ATP9B: variants seen among roughly 807,000 people sequenced by gnomAD.
ATP9B encodes the protein probable phospholipid-transporting ATPase IIB.
Under a neutral mutation model 146.1 loss-of-function variants are expected in ATP9B, and 110 were observed. That is an observed-to-expected ratio of 0.75 (90% CI 0.65 to 0.88). The LOEUF (loss-of-function observed/expected upper bound fraction) is 0.88. Among genes scored for constraint, ATP9B ranks in the 40% least tolerant of loss-of-function variants. ATP9B has a pLI of 0.00. For missense variants in ATP9B, 1,499 were observed against 1,496.4 expected (o/e 1.00, Z -0.03); for synonymous variants, 604 against 569.7 (o/e 1.06, Z -0.86).
chr18:79,096,588 A>G lies in ATP9B; in HGVS notation c.232A>G (p.Met78Val), dbSNP rs202122967. The G allele has an allele frequency of 1.7e-5, 28 of 1,614,096 alleles. No homozygotes were observed. In the East Asian group the frequency reaches 3.6e-4, roughly 21 times the overall value. ...CCACACCTTACCACGAGCCAGGATA[A>G]TGCAAAGGAAAAGAGGACTGGAGTG... ...DYHTLPRARI[M>V]QRKRGLEWFV... The change falls in exon 2 of 30, where the codon ATG becomes GTG. Residue 78 changes from methionine (M) to valine (V), a missense_variant. Met to Val is a conservative substitution (Grantham distance 21). Coordinates refer to ENST00000426216, the MANE Select transcript of ATP9B (RefSeq NM_198531.5).
chr18:79,243,986 T>C (rs2095914828), intron 11 of ATP9B, among the ~76,000 whole-genome samples: 1 of 152,206 alleles, frequency 6.6e-6, no homozygotes, highest in Non-Finnish European at 1.5e-5. Flanking sequence ...ATCTGTATCA[T>C]TACCTCTTAA....
intron 21 of ATP9B, 60 bp downstream of exon 21, chr18:79,344,414 C>G: frequency 1.3e-6 from 2 of 1,483,516 alleles, no homozygotes; most frequent in African/African-American, 2.8e-5. Flanking sequence ...AGGCTGGTCC[C>G]TGGCTGAGTG....
intron 15 of ATP9B, among the ~76,000 whole-genome samples, chr18:79,327,081 A>G (rs1217957974): frequency 6.6e-6 from 1 of 152,238 alleles, no homozygotes; most frequent in East Asian, 1.9e-4. Context: ...TCTCTCTAAG[A>G]GTGTGAACTC....
intron 17 of ATP9B, among the ~76,000 whole-genome samples, chr18:79,334,041 T>G (rs1434826106): frequency 1.3e-5 from 2 of 152,078 alleles, no homozygotes; most frequent in Admixed American, 1.3e-4. Context: ...TAAAGCATCT[T>G]AAAGTATGTT....
At chr18:79,161,450 G>A (rs543173124) in intron 7 of ATP9B, among the ~76,000 whole-genome samples, 28 of 152,142 alleles carry the variant, frequency 1.8e-4, no homozygotes, top group Admixed American at 1.6e-3. Context: ...TTCAAGTTAG[G>A]GCCCTGCTGT....
At chr18:79,272,203 T>C (rs2096263040) in intron 12 of ATP9B, among the ~76,000 whole-genome samples, 1 of 152,196 alleles carries the variant, frequency 6.6e-6, no homozygotes, top group Non-Finnish European at 1.5e-5. Flanking sequence ...CACTCTGCTG[T>C]ATTTTCTGTG....
chr18:79,200,820 G>A (rs1183765718), intron 9 of ATP9B, among the ~76,000 whole-genome samples: 3 of 150,354 alleles, frequency 2.0e-5, no homozygotes, highest in Non-Finnish European at 3.0e-5. Context: ...GACTTGGGTG[G>A]GGCCCTGGAT....
At chr18:79,138,774 TAA>T (rs796077711) in intron 5 of ATP9B, among the ~76,000 whole-genome samples, 42 of 139,632 alleles carry the variant, frequency 3.0e-4, no homozygotes, top group Admixed American at 2.9e-4. Context: ...GTTCTTACAT[TAA>T]AAAAAAAAAA....
intron 2 of ATP9B, among the ~76,000 whole-genome samples, chr18:79,104,898 C>G (rs866819751): frequency 6.6e-6 from 1 of 152,088 alleles, no homozygotes; most frequent in Admixed American, 6.6e-5. Context: ...CATGTGCCAC[C>G]ACACCCGGCT....
At chr18:79,133,996 T>C (rs1256164550) in intron 5 of ATP9B, among the ~76,000 whole-genome samples, 1 of 152,242 alleles carries the variant, frequency 6.6e-6, no homozygotes, top group Non-Finnish European at 1.5e-5. Context: ...CACTCTCCTT[T>C]CAAAGTAAAA....
chr18:79,281,288 G>A (rs1442525915), intron 13 of ATP9B, among the ~76,000 whole-genome samples: 2 of 152,080 alleles, frequency 1.3e-5, no homozygotes, highest in African/African-American at 4.8e-5. Context: ...CCTAAGGTCA[G>A]GAGTTCGAGA....
intron 2 of ATP9B, 85 bp from the exon 3 acceptor site, chr18:79,110,270 T>C (rs2075917250): frequency 7.7e-7 from 1 of 1,300,722 alleles, no homozygotes. Context: ...AAACAATCAA[T>C]ATTGACTCTA....
chr18:79,369,247 A>G (rs1050236437), intron 26 of ATP9B, among the ~76,000 whole-genome samples: 15 of 152,090 alleles, frequency 9.9e-5, no homozygotes, highest in Admixed American at 6.5e-5. Flanking sequence ...AAATACAAAA[A>G]AAATGAGCCG....
chr18:79,171,015 A>C (rs546647123), intron 7 of ATP9B, among the ~76,000 whole-genome samples: 3 of 152,172 alleles, frequency 2.0e-5, no homozygotes, highest in Non-Finnish European at 4.4e-5. Flanking sequence ...GATTTTCTTA[A>C]GTTGTACCTG....
At chr18:79,262,329 C>T (rs550994492) in intron 12 of ATP9B, among the ~76,000 whole-genome samples, 3 of 152,048 alleles carry the variant, frequency 2.0e-5, no homozygotes, top group South Asian at 2.1e-4. Flanking sequence ...TTTTTAGTTA[C>T]TGAGCATGGC....
chr18:79,162,616 C>G (rs1191266503), intron 7 of ATP9B, among the ~76,000 whole-genome samples: 2 of 152,288 alleles, frequency 1.3e-5, no homozygotes, highest in African/African-American at 4.8e-5. Flanking sequence ...TGACACTGTA[C>G]TCATCCACAT....
chr18:79,244,788 T>G (rs1374462732), intron 11 of ATP9B, among the ~76,000 whole-genome samples: 1 of 152,212 alleles, frequency 6.6e-6, no homozygotes, highest in Admixed American at 6.5e-5. Flanking sequence ...CAGTGTGTAC[T>G]ATTAGAAACA....
intron 7 of ATP9B, among the ~76,000 whole-genome samples, chr18:79,159,093 T>C (rs923912173): frequency 1.3e-5 from 2 of 152,224 alleles, no homozygotes; most frequent in African/African-American, 2.4e-5. Context: ...GGTTACTGTT[T>C]GCACCTTTTT....
chr18:79,160,730 A>G (rs1371216393), intron 7 of ATP9B, among the ~76,000 whole-genome samples: 1 of 152,076 alleles, frequency 6.6e-6, no homozygotes, highest in Non-Finnish European at 1.5e-5. Flanking sequence ...TTATATGACT[A>G]TTAGCAATTT....
Sources: gnomAD v4.1 joint callset for allele counts (sites outside exome capture counted in the v4.1 genomes callset) on GRCh38, gnomAD v4.1.1 for gene constraint, MANE v1.5 for transcripts, NCBI Gene and HGNC (gene_info 2026-07-23, HGNC 2026-07-21) for gene names.